Variants in PEX5L observed in about 807,000 individuals in gnomAD.
PEX5L encodes PEX5-related protein.
A neutral mutation model predicts 84.0 loss-of-function variants in PEX5L; 30 were observed. The ratio of observed to expected loss-of-function variants is 0.36; its 90% CI spans 0.27 to 0.48. PEX5L has a LOEUF of 0.48. Ranked by LOEUF, PEX5L falls within the 20% of genes least tolerant of loss-of-function variation. PEX5L has a pLI of 0.99. For synonymous variants in PEX5L, 270 were observed against 283.1 expected, an observed-to-expected ratio of 0.95 and a Z score of 0.46; for missense variants, 533 against 754.6, an observed-to-expected ratio of 0.71 and a Z score of 3.44.
chr3:179,993,264 C>G (rs531216298), intron 1 of PEX5L, among the ~76,000 whole-genome samples: 2 of 152,118 alleles, frequency 1.3e-5, no homozygotes, highest in Admixed American at 6.5e-5. Flanking sequence ...TGCACAAGTT[C>G]TTTGGCAAAA....
chr3:179,976,786 A>G (rs961720569), intron 1 of PEX5L, among the ~76,000 whole-genome samples: 1 of 152,228 alleles, frequency 6.6e-6, no homozygotes, highest in African/African-American at 2.4e-5. Flanking sequence ...TAAGAATGCT[A>G]GCTAAAAGAT....
intron 2 of PEX5L, among the ~76,000 whole-genome samples, chr3:179,920,530 G>A (rs1177205077): frequency 1.3e-5 from 2 of 152,150 alleles, no homozygotes; most frequent in East Asian, 3.9e-4. Flanking sequence ...TATATAACAG[G>A]TTAACAGGTG....
chr3:179,832,049 T>G (rs931662485), intron 8 of PEX5L, among the ~76,000 whole-genome samples: 2 of 152,114 alleles, frequency 1.3e-5, no homozygotes, highest in African/African-American at 4.8e-5. Flanking sequence ...GGCATTCTAT[T>G]CTCCACACCG....
At chr3:179,954,211 G>T (rs1010637953) in intron 2 of PEX5L, among the ~76,000 whole-genome samples, 4 of 134,908 alleles carry the variant, frequency 3.0e-5, no homozygotes, top group African/African-American at 5.3e-5. Context: ...AGTCGGGGGG[G>T]GGGGAAAAAG....
At chr3:179,942,941 T>G (rs1314175151) in intron 2 of PEX5L, among the ~76,000 whole-genome samples, 1 of 152,244 alleles carries the variant, frequency 6.6e-6, no homozygotes, top group African/African-American at 2.4e-5. Flanking sequence ...ACTTATGGGC[T>G]ATGTGTCCTC....
At chr3:179,947,171 T>C (rs896220074) in intron 2 of PEX5L, among the ~76,000 whole-genome samples, 6 of 152,204 alleles carry the variant, frequency 3.9e-5, no homozygotes, top group Middle Eastern at 3.2e-3. Context: ...CCACAGACTA[T>C]GTGTTTATCA....
Position 179,801,572 on chromosome 3 carries a change from A to G in PEX5L, c.*256T>C. On this transcript the variant is annotated 3_prime_UTR_variant, in exon 15 of 15. Coordinates refer to ENST00000467460, the MANE Select transcript of PEX5L (RefSeq NM_016559.3). ...CTTGTGGAAAGAGTATTCAACACAC[A>G]GTTACTTTATCTTGGTTTGTCTTGA... The G allele has an allele frequency of 4.6e-6, 2 of 436,790 alleles. No homozygotes were observed. Among genetic ancestry groups the G allele is most frequent in the South Asian group, 7.2e-5 (2 of 27,970 alleles). The allele number at this position is 436,790 out of a possible 1,614,324, so 27.1% of individuals were successfully genotyped here. A position where few individuals can be genotyped will look rare whatever the true frequency, so the allele number is the denominator to read the frequency against.
At chr3:179,935,919 C>T (rs990652004) in intron 2 of PEX5L, among the ~76,000 whole-genome samples, 1 of 152,126 alleles carries the variant, frequency 6.6e-6, no homozygotes, top group East Asian at 1.9e-4. Flanking sequence ...TTTTGGCATA[C>T]CCACTTTCCC....
At chr3:180,024,951 T>C (rs1191578755) in intron 1 of PEX5L, among the ~76,000 whole-genome samples, 1 of 152,160 alleles carries the variant, frequency 6.6e-6, no homozygotes, top group Non-Finnish European at 1.5e-5. Context: ...CCACATGATC[T>C]TGGCTGGTTA....
intron 1 of PEX5L, among the ~76,000 whole-genome samples, chr3:180,014,600 A>G (rs1404523243): frequency 6.6e-6 from 1 of 152,242 alleles, no homozygotes; most frequent in African/African-American, 2.4e-5. Context: ...TTAAATCTGG[A>G]AAATTGTTTG....
At chr3:180,036,256 C>T (rs1791898113) in intron 1 of PEX5L, among the ~76,000 whole-genome samples, 1 of 152,144 alleles carries the variant, frequency 6.6e-6, no homozygotes, top group African/African-American at 2.4e-5. Flanking sequence ...TGAGATGCAT[C>T]AATAGGATTA....
chr3:180,008,342 T>C (rs1294015853), intron 1 of PEX5L, among the ~76,000 whole-genome samples: 1 of 152,228 alleles, frequency 6.6e-6, no homozygotes, highest in African/African-American at 2.4e-5. Flanking sequence ...TGGACCTTAC[T>C]GTCCATATTG....
At chr3:180,022,947 A>G (rs1171446401) in intron 1 of PEX5L, among the ~76,000 whole-genome samples, 1 of 152,224 alleles carries the variant, frequency 6.6e-6, no homozygotes, top group African/African-American at 2.4e-5. Context: ...GTGTTGAGTA[A>G]GTGGTAGAAA....
At chr3:179,862,629 CAT>C (rs1746618338) in intron 7 of PEX5L, among the ~76,000 whole-genome samples, 1 of 151,934 alleles carries the variant, frequency 6.6e-6, no homozygotes, top group South Asian at 2.1e-4. Flanking sequence ...ATAAAATAAA[CAT>C]ATAAAAATTT....
Position 179,815,855 on chromosome 3 carries a change from T to C in PEX5L, c.1083+6A>G. On this transcript the variant is annotated splice_donor_region_variant and intron_variant, in intron 10 of 14. Transcript: ENST00000467460. Reference sequence around the variant, plus strand: ...TGAGTCTGGCAGAATGAAGGGAGAATGACACCTCTGCATCTCCAGGGTCCT... The same window carrying C: ...TGAGTCTGGCAGAATGAAGGGAGAACGACACCTCTGCATCTCCAGGGTCCT... 6.2e-7 allele frequency: 1 copy of C among 1,613,924 alleles called. No homozygotes were observed. Among genetic ancestry groups the C allele is most frequent in the Non-Finnish European group, 8.5e-7 (1 of 1,179,870 alleles).
At chr3:179,993,381 T>A (rs6764772) in intron 1 of PEX5L, among the ~76,000 whole-genome samples, 1 of 152,028 alleles carries the variant, frequency 6.6e-6, no homozygotes, top group African/African-American at 2.4e-5. Context: ...TTGGTATCCA[T>A]GGAAAATTGG....
chr3:179,837,827 C>A (rs1283302129), intron 8 of PEX5L, among the ~76,000 whole-genome samples: 1 of 152,144 alleles, frequency 6.6e-6, no homozygotes, highest in Non-Finnish European at 1.5e-5. Context: ...AATAAACAGG[C>A]TGCTTGGTTA....
chr3:179,963,525 G>A (rs1268672195), intron 2 of PEX5L, among the ~76,000 whole-genome samples: 1 of 152,116 alleles, frequency 6.6e-6, no homozygotes, highest in East Asian at 1.9e-4. Context: ...AAACAGAGGA[G>A]AGCACATAGG....
intron 8 of PEX5L, among the ~76,000 whole-genome samples, chr3:179,846,939 C>T (rs1306315736): frequency 6.6e-6 from 1 of 152,082 alleles, no homozygotes; most frequent in Non-Finnish European, 1.5e-5. Context: ...AGAGACATCT[C>T]AGCCTCCACA....
Sources: allele counts gnomAD v4.1 joint callset (sites outside exome capture counted in the v4.1 genomes callset), GRCh38; gene constraint gnomAD v4.1.1; transcripts MANE v1.5; gene names NCBI Gene and HGNC (gene_info 2026-07-23, HGNC 2026-07-21).